SPAG16: variants seen among roughly 807,000 people sequenced by gnomAD.
SPAG16 encodes sperm associated antigen 16, also known as sperm-associated antigen 16 protein.
SPAG16 carries 86 observed loss-of-function variants against 80.4 expected under a neutral mutation model. The observed-to-expected ratio is 1.07, with a 90% CI of 0.90 to 1.28. The LOEUF is 1.28. Among genes scored for constraint, SPAG16 ranks in the 50% most tolerant of loss-of-function variants. SPAG16 has a pLI of 0.00. For missense variants in SPAG16, 870 were observed against 765.3 expected (o/e 1.14, Z -1.61); for synonymous variants, 294 against 265.9 (o/e 1.11, Z -1.03).
chr2:214,009,570 G>A (rs1195672519), intron 12 of SPAG16, among the ~76,000 whole-genome samples: 1 of 152,168 alleles, frequency 6.6e-6, no homozygotes, highest in East Asian at 1.9e-4. Flanking sequence ...AGATAAAAGA[G>A]ATAAAGCAGA....
intron 15 of SPAG16, among the ~76,000 whole-genome samples, chr2:214,342,692 A>T (rs1697789645): frequency 6.6e-6 from 1 of 152,094 alleles, no homozygotes; most frequent in Non-Finnish European, 1.5e-5. Flanking sequence ...AATCATCCCA[A>T]AACCACCCCC....
intron 12 of SPAG16, among the ~76,000 whole-genome samples, chr2:213,999,199 G>A (rs1486975834): frequency 6.6e-6 from 1 of 152,168 alleles, no homozygotes; most frequent in Non-Finnish European, 1.5e-5. Flanking sequence ...AGGCTAGGAG[G>A]CTTAGGAGAA....
At chr2:214,384,816 T>C (rs1178243321) in intron 15 of SPAG16, among the ~76,000 whole-genome samples, 1 of 152,214 alleles carries the variant, frequency 6.6e-6, no homozygotes, top group Admixed American at 6.5e-5. Context: ...AGAAGTCATA[T>C]GTAGGAGAGA....
At chr2:214,387,882 C>T (rs1449031811) in intron 15 of SPAG16, among the ~76,000 whole-genome samples, 1 of 152,042 alleles carries the variant, frequency 6.6e-6, no homozygotes, top group African/African-American at 2.4e-5. Context: ...TCCCACAGCA[C>T]GTGTGGATTA....
At chr2:214,262,821 C>CT (rs1416507808) in intron 15 of SPAG16, among the ~76,000 whole-genome samples, 1 of 151,956 alleles carries the variant, frequency 6.6e-6, no homozygotes, top group Admixed American at 6.6e-5. Context: ...TATAAATAAC[C>CT]TTTTTTTACT....
At chr2:213,889,408 G>A (rs1201118520) in intron 11 of SPAG16, among the ~76,000 whole-genome samples, 4 of 151,500 alleles carry the variant, frequency 2.6e-5, no homozygotes, top group Non-Finnish European at 5.9e-5. Flanking sequence ...TAGACTTGTG[G>A]TTATATTTCC....
intron 9 of SPAG16, among the ~76,000 whole-genome samples, chr2:213,397,725 G>A (rs1179093823): frequency 6.6e-6 from 1 of 152,066 alleles, no homozygotes; most frequent in East Asian, 1.9e-4. Context: ...TGCCTCTATT[G>A]TTTGCTCCCT....
At chr2:213,294,330 C>T (rs895643961) in intron 1 of SPAG16, among the ~76,000 whole-genome samples, 1 of 152,036 alleles carries the variant, frequency 6.6e-6, no homozygotes, top group African/African-American at 2.4e-5. Context: ...TAAAATACCT[C>T]GAACAGATTG....
chr2:213,948,934 T>C (rs2079585528), intron 12 of SPAG16, among the ~76,000 whole-genome samples: 1 of 152,278 alleles, frequency 6.6e-6, no homozygotes, highest in South Asian at 2.1e-4. Flanking sequence ...AACTAAATAG[T>C]CCCTCAGAAC....
intron 9 of SPAG16, among the ~76,000 whole-genome samples, chr2:213,426,836 TACACACACACACACACACAC>T (rs199604984): frequency 2.8e-4 from 35 of 125,886 alleles, no homozygotes; most frequent in African/African-American, 8.5e-4. Flanking sequence ...TTCTGATACA[TACACACACACACACACACAC>T]ACACACACAC....
At chr2:213,449,607 G>A (rs779997734) in intron 9 of SPAG16, among the ~76,000 whole-genome samples, 1 of 152,108 alleles carries the variant, frequency 6.6e-6, no homozygotes, top group Non-Finnish European at 1.5e-5. Flanking sequence ...ATGGAAAATA[G>A]AAAGAACCTA....
intron 10 of SPAG16, among the ~76,000 whole-genome samples, chr2:213,597,540 G>A (rs1473936100): frequency 6.6e-6 from 1 of 151,998 alleles, no homozygotes; most frequent in Non-Finnish European, 1.5e-5. Flanking sequence ...GAAATTTACT[G>A]AAACAAGATT....
chr2:213,960,589 G>A (rs1413798873), intron 12 of SPAG16, among the ~76,000 whole-genome samples: 1 of 152,090 alleles, frequency 6.6e-6, no homozygotes, highest in Non-Finnish European at 1.5e-5. Context: ...ATTGTTGTAG[G>A]CAGTCTGTGT....
At position 213,930,067 on chromosome 2, in the gene SPAG16, C is replaced by T. The variant is rs1282626461; in HGVS notation, c.1322C>T (p.Ser441Phe). The change falls in exon 12 of 16, where the codon TCC becomes TTC. Residue 441 changes from serine (S) to phenylalanine (F), a missense_variant. Ser to Phe is a radical substitution (Grantham distance 155). Transcript: ENST00000331683. Reference protein sequence around the residue: ...TFEGHSRAVWSCTWHSCGNFV... With the variant: ...TFEGHSRAVWFCTWHSCGNFV... ...GAAGGACACAGCCGCGCAGTGTGGT[C>T]CTGCACATGGCACTCCTGCGGCAAT... is the stretch of plus-strand genomic sequence containing the variant. The T allele has an allele frequency of 1.2e-6, 2 of 1,614,014 alleles. No homozygotes were observed. Among genetic ancestry groups the T allele is most frequent in the South Asian group, 2.2e-5 (2 of 91,084 alleles).
chr2:214,210,649 G>A (rs1313649760), intron 15 of SPAG16, among the ~76,000 whole-genome samples: 1 of 151,998 alleles, frequency 6.6e-6, no homozygotes, highest in Admixed American at 6.6e-5. Flanking sequence ...CATTACAAAT[G>A]ATTGGAAAAA....
At chr2:213,302,215 C>T (rs921129343) in intron 3 of SPAG16, among the ~76,000 whole-genome samples, 7 of 152,038 alleles carry the variant, frequency 4.6e-5, no homozygotes, top group Admixed American at 1.3e-4. Context: ...CCATGTTTCG[C>T]TAGTTTGTAG....
chr2:213,982,674 A>G (rs1189748169), intron 12 of SPAG16, among the ~76,000 whole-genome samples: 2 of 147,726 alleles, frequency 1.4e-5, no homozygotes, highest in Non-Finnish European at 3.0e-5. Context: ...GGTGTCTATG[A>G]CATACTACGG....
At chr2:213,654,579 T>C (rs898662983) in intron 10 of SPAG16, among the ~76,000 whole-genome samples, 6 of 129,566 alleles carry the variant, frequency 4.6e-5, no homozygotes, top group Admixed American at 1.7e-4. Context: ...TAGCCGGGTG[T>C]GGTGGTGGGC....
chr2:213,468,363 A>G (rs1339151406), intron 9 of SPAG16, among the ~76,000 whole-genome samples: 1 of 146,456 alleles, frequency 6.8e-6, no homozygotes, highest in African/African-American at 2.5e-5. Flanking sequence ...AGATATATAT[A>G]TATATCTCTC....
Sources: allele counts gnomAD v4.1 joint callset (sites outside exome capture counted in the v4.1 genomes callset), GRCh38; gene constraint gnomAD v4.1.1; transcripts MANE v1.5; gene names NCBI Gene and HGNC (gene_info 2026-07-23, HGNC 2026-07-21).